Variants in CDKL3 observed in about 807,000 individuals in gnomAD.
CDKL3 encodes the protein cyclin-dependent kinase-like 3.
CDKL3 carries 65 observed loss-of-function variants against 69.3 expected under a neutral mutation model. The observed-to-expected ratio is 0.94, with a 90% CI of 0.77 to 1.15. The LOEUF is 1.15. CDKL3 is among the 50% of genes most tolerant of loss of function. The pLI is 0.00. For missense variants in CDKL3, 652 were observed against 689.2 expected (o/e 0.95, Z 0.61); for synonymous variants, 202 against 221.6 (o/e 0.91, Z 0.79).
At chr5:134,324,867 A>G (rs970002608) in intron 4 of CDKL3, among the ~76,000 whole-genome samples, 1 of 152,258 alleles carries the variant, frequency 6.6e-6, no homozygotes, top group African/African-American at 2.4e-5. Flanking sequence ...ATATTGGTAC[A>G]TCAATTGTAA....
At chr5:134,347,548 C>T (rs1323552524) in intron 4 of CDKL3, among the ~76,000 whole-genome samples, 1 of 151,774 alleles carries the variant, frequency 6.6e-6, no homozygotes, top group Non-Finnish European at 1.5e-5. Context: ...TCTATCCATT[C>T]AGTGGAATAT....
chr5:134,326,841 A>ATGTGTG (rs1341051033), intron 4 of CDKL3, among the ~76,000 whole-genome samples: 2 of 126,016 alleles, frequency 1.6e-5, no homozygotes, highest in African/African-American at 7.5e-5. Context: ...ATATATATAT[A>ATGTGTG]TATATATATA....
intron 9 of CDKL3, among the ~76,000 whole-genome samples, chr5:134,307,651 C>G (rs548776775): frequency 6.6e-6 from 1 of 152,222 alleles, no homozygotes; most frequent in Non-Finnish European, 1.5e-5. Flanking sequence ...GGACCAGTCT[C>G]TCAATCTGTA....
chr5:134,347,444 TACACGGACAC>T (rs1321702894), intron 4 of CDKL3, among the ~76,000 whole-genome samples: 4 of 152,128 alleles, frequency 2.6e-5, no homozygotes, highest in African/African-American at 9.6e-5. Context: ...AAAAACAAGT[TACACGGACAC>T]CCATAGCAGC....
At chr5:134,339,702 G>A (rs1749974199) in intron 4 of CDKL3, among the ~76,000 whole-genome samples, 2 of 152,098 alleles carry the variant, frequency 1.3e-5, no homozygotes, top group Admixed American at 1.3e-4. Flanking sequence ...ATTTAAAAGG[G>A]CAGAAATTAC....
chr5:134,355,873 G>A (rs1370191433), intron 3 of CDKL3, among the ~76,000 whole-genome samples: 1 of 152,184 alleles, frequency 6.6e-6, no homozygotes, highest in Non-Finnish European at 1.5e-5. Flanking sequence ...ACTGTGGAAG[G>A]AATCTAGTCC....
At chr5:134,369,123 TAC>T (rs2149684638), upstream of CDKL3, among the ~76,000 whole-genome samples, 1 of 152,320 alleles carries the variant, frequency 6.6e-6, no homozygotes, top group African/African-American at 2.4e-5. Flanking sequence ...GATAACAGCA[TAC>T]AGTTAATAGC....
chr5:134,299,691 C>T (rs1340530779), intron 12 of CDKL3: 1 of 1,533,246 alleles, frequency 6.5e-7, no homozygotes. Context: ...TCAGCTGCTG[C>T]ATTTTCTACT....
intron 4 of CDKL3, among the ~76,000 whole-genome samples, chr5:134,349,989 A>T (rs954020405): frequency 6.6e-6 from 1 of 152,094 alleles, no homozygotes; most frequent in East Asian, 1.9e-4. Flanking sequence ...GGAGTTCGAA[A>T]CCAGCCTGAC....
chr5:134,367,312 C>G (rs1172828332), upstream of CDKL3: 3 of 981,656 alleles, frequency 3.1e-6, no homozygotes, highest in Admixed American at 6.3e-5. Context: ...AGATTGCTGT[C>G]GCAGCTGAGC....
intron 6 of CDKL3, among the ~76,000 whole-genome samples, chr5:134,318,174 G>A (rs1293045959): frequency 1.2e-4 from 18 of 150,038 alleles, no homozygotes; most frequent in Non-Finnish European, 1.8e-4. Flanking sequence ...AGCTGAGATC[G>A]CGCCATTGCA....
chr5:134,332,048 T>C (rs1351662243), intron 4 of CDKL3, among the ~76,000 whole-genome samples: 1 of 152,198 alleles, frequency 6.6e-6, no homozygotes, highest in Non-Finnish European at 1.5e-5. Flanking sequence ...TGATGACCAG[T>C]GATGATAAGC....
intron 3 of CDKL3, among the ~76,000 whole-genome samples, chr5:134,357,387 T>C (rs1443703198): frequency 6.6e-6 from 1 of 151,826 alleles, no homozygotes; most frequent in African/African-American, 2.4e-5. Context: ...GAGGCTGCAG[T>C]GAGATCACGC....
chr5:134,296,592 A>G (rs530161367), downstream of CDKL3, among the ~76,000 whole-genome samples: 3 of 152,196 alleles, frequency 2.0e-5, no homozygotes, highest in Non-Finnish European at 4.4e-5. Flanking sequence ...ACATAAAGAC[A>G]GTTTGTGCAG....
intron 4 of CDKL3, among the ~76,000 whole-genome samples, chr5:134,326,704 A>G (rs1161039640): frequency 6.6e-6 from 1 of 151,002 alleles, no homozygotes; most frequent in Admixed American, 6.6e-5. Context: ...GCAATGGCGC[A>G]GTCTCAGCTC....
intron 4 of CDKL3, among the ~76,000 whole-genome samples, chr5:134,333,924 T>C (rs1399314467): frequency 2.0e-5 from 3 of 152,220 alleles, no homozygotes; most frequent in Non-Finnish European, 4.4e-5. Flanking sequence ...AATTTGGCTA[T>C]GAATCCATCT....
At chr5:134,321,243 C>T (rs775872556) in intron 5 of CDKL3, among the ~76,000 whole-genome samples, 1 of 152,018 alleles carries the variant, frequency 6.6e-6, no homozygotes, top group African/African-American at 2.4e-5. Context: ...AACTCCTGAT[C>T]TCAGGTGCTC....
intron 4 of CDKL3, among the ~76,000 whole-genome samples, chr5:134,341,264 A>C (rs1214131507): frequency 6.6e-6 from 1 of 152,198 alleles, no homozygotes; most frequent in Non-Finnish European, 1.5e-5. Flanking sequence ...TCCCGATAAG[A>C]TTAGGAACAA....
At chr5:134,315,963 A>AT (rs1355815299) in intron 6 of CDKL3, among the ~76,000 whole-genome samples, 1 of 151,914 alleles carries the variant, frequency 6.6e-6, no homozygotes, top group Non-Finnish European at 1.5e-5. Flanking sequence ...TAATATATAT[A>AT]TTTTTTAAGA....
Sources: gnomAD v4.1 joint callset for allele counts (sites outside exome capture counted in the v4.1 genomes callset) on GRCh38, gnomAD v4.1.1 for gene constraint, MANE v1.5 for transcripts, NCBI Gene and HGNC (gene_info 2026-07-23, HGNC 2026-07-21) for gene names.